MEI4: variants seen among roughly 807,000 people sequenced by gnomAD.
MEI4 encodes meiosis-specific protein MEI4.
A neutral mutation model predicts 31.4 loss-of-function variants in MEI4; 27 were observed. The ratio of observed to expected loss-of-function variants is 0.86; its 90% CI spans 0.63 to 1.19. MEI4 has a LOEUF of 1.19. MEI4 is among the 50% of genes most tolerant of loss of function. MEI4 has a pLI of 0.00. For missense variants in MEI4, 329 were observed against 398.9 expected (o/e 0.82, Z 1.49); for synonymous variants, 122 against 145.4 (o/e 0.84, Z 1.16).
intron 3 of MEI4, among the ~76,000 whole-genome samples, chr6:77,789,296 A>T (rs59381056): frequency 0.14 from 21,705 of 152,244 alleles, 1,657 homozygotes; most frequent in Middle Eastern, 0.21. Context: ...TAAAACCATA[A>T]AAACCCTAGA....
intron 2 of MEI4, among the ~76,000 whole-genome samples, chr6:77,756,002 A>G (rs148879303): frequency 3.9e-5 from 6 of 152,286 alleles, no homozygotes; most frequent in Non-Finnish European, 8.8e-5. Flanking sequence ...AAAAACAGGA[A>G]TTACAGAAAG....
At chr6:77,811,500 T>C (rs1179609468) in intron 3 of MEI4, among the ~76,000 whole-genome samples, 2 of 152,136 alleles carry the variant, frequency 1.3e-5, no homozygotes, top group African/African-American at 4.8e-5. Context: ...TAGAAGTAAA[T>C]CTTAATGTAT....
Position 77,659,677 on chromosome 6 carries a change from T to A in MEI4, c.-15+6585T>A, listed in dbSNP as rs561709234. On this transcript the variant is annotated intron_variant, in intron 1 of 4. Transcript: ENST00000684080. ...AGGATGGAGTGAAATAGAGGGCAAGTGTCTTCCTAAGCAATAATTACTGCT... is the reference window on the plus strand; with the variant it reads ...AGGATGGAGTGAAATAGAGGGCAAGAGTCTTCCTAAGCAATAATTACTGCT... Among the ~76,000 whole-genome samples the A allele has an allele frequency of 6.2e-4, 95 of 152,236 alleles. 1 individual carries two copies. Among genetic ancestry groups the A allele is most frequent in the African/African-American group, 2.2e-3 (90 of 41,552 alleles).
chr6:77,790,522 T>C lies in MEI4; in HGVS notation c.768+28857T>C, dbSNP rs114905465. Among the ~76,000 whole-genome samples the C allele has an allele frequency of 9.4e-3, 1,431 of 152,042 alleles. 19 individuals carry two copies. The highest frequency in any genetic ancestry group is 0.032 in the African/African-American group (1,328 of 41,464). On this transcript the variant is annotated intron_variant, in intron 3 of 4. Coordinates refer to ENST00000684080, the MANE Select transcript of MEI4 (RefSeq NM_001322247.2). ...ACTCCACCACTATGCAATATACTTA[T>C]GTAGCAAACCTGCACATGTACTTCC...
At chr6:77,791,354 A>G (rs1490360873) in intron 3 of MEI4, among the ~76,000 whole-genome samples, 1 of 151,902 alleles carries the variant, frequency 6.6e-6, no homozygotes, top group Non-Finnish European at 1.5e-5. Flanking sequence ...CGCAGCCATA[A>G]AAAATGATGA....
chr6:77,660,353 C>T (rs1395205675), intron 1 of MEI4, among the ~76,000 whole-genome samples: 2 of 152,022 alleles, frequency 1.3e-5, no homozygotes, highest in Non-Finnish European at 2.9e-5. Flanking sequence ...TGGAGGGTGC[C>T]TTGCTAGCAA....
At chr6:77,747,738 G>A (rs1767652898) in intron 2 of MEI4, among the ~76,000 whole-genome samples, 2 of 152,104 alleles carry the variant, frequency 1.3e-5, no homozygotes, top group South Asian at 4.1e-4. Flanking sequence ...CTTTGCAACA[G>A]TCCCCCAAAG....
rs147517099 is a variant in MEI4 at position 77,699,514 on chromosome 6, A to G, written c.232+8611A>G. On this transcript the variant is annotated intron_variant, in intron 2 of 4. Coordinates refer to ENST00000684080, the MANE Select transcript of MEI4 (RefSeq NM_001322247.2). ...GCCCAAAGTTTCTATCTTCTTTGCCATTGGTTTGAATTTCCTCCTCTAGCT... is the reference window on the plus strand; with the variant it reads ...GCCCAAAGTTTCTATCTTCTTTGCCGTTGGTTTGAATTTCCTCCTCTAGCT... Among the ~76,000 whole-genome samples, 516 of 152,112 alleles carry G rather than the reference A, an allele frequency of 3.4e-3. 2 individuals are homozygous for G. Among genetic ancestry groups the G allele is most frequent in the African/African-American group, 0.012 (502 of 41,498 alleles).
At chr6:77,736,927 T>G (rs938388440) in intron 2 of MEI4, among the ~76,000 whole-genome samples, 1 of 152,152 alleles carries the variant, frequency 6.6e-6, no homozygotes, top group Non-Finnish European at 1.5e-5. Flanking sequence ...CTATGGGTAC[T>G]AGGCTATTTC....
At chr6:77,756,283 C>T (rs1484186315) in intron 2 of MEI4, among the ~76,000 whole-genome samples, 1 of 151,988 alleles carries the variant, frequency 6.6e-6, no homozygotes, top group Non-Finnish European at 1.5e-5. Context: ...AATATTTAAT[C>T]TTTTCTAAGA....
intron 3 of MEI4, among the ~76,000 whole-genome samples, chr6:77,788,281 C>T (rs1200793752): frequency 6.6e-6 from 1 of 152,150 alleles, no homozygotes; most frequent in Non-Finnish European, 1.5e-5. Context: ...CTATGAGAAG[C>T]CCACAGCCAA....
intron 1 of MEI4, among the ~76,000 whole-genome samples, chr6:77,687,060 G>A (rs1032989938): frequency 6.6e-6 from 1 of 151,894 alleles, no homozygotes; most frequent in African/African-American, 2.4e-5. Flanking sequence ...ATAATGTGTG[G>A]AGTAGCTGTT....
intron 3 of MEI4, among the ~76,000 whole-genome samples, chr6:77,792,495 C>T (rs980891124): frequency 6.6e-6 from 1 of 152,070 alleles, no homozygotes; most frequent in Non-Finnish European, 1.5e-5. Context: ...TGATGGTAAT[C>T]ATTCTAAAAG....
At chr6:77,807,262 G>A (rs1769463987) in intron 3 of MEI4, among the ~76,000 whole-genome samples, 1 of 151,930 alleles carries the variant, frequency 6.6e-6, no homozygotes, top group Admixed American at 6.6e-5. Context: ...TCTAATAAAG[G>A]CCTGAAATAG....
intron 4 of MEI4, among the ~76,000 whole-genome samples, chr6:77,849,803 T>C (rs1248232879): frequency 6.6e-6 from 1 of 152,204 alleles, no homozygotes; most frequent in African/African-American, 2.4e-5. Flanking sequence ...ATTTAGTTAG[T>C]TGATGTCAAT....
chr6:77,887,417 C>T (rs1169267567), intron 4 of MEI4, among the ~76,000 whole-genome samples: 1 of 152,028 alleles, frequency 6.6e-6, no homozygotes, highest in African/African-American at 2.4e-5. Flanking sequence ...CTGCCTTAGC[C>T]TCCTGAGTAG....
intron 2 of MEI4, among the ~76,000 whole-genome samples, chr6:77,696,508 A>G (rs1766049307): frequency 6.6e-6 from 1 of 151,956 alleles, no homozygotes; most frequent in African/African-American, 2.4e-5. Context: ...TCTTTTCTGC[A>G]TCTATTGAGA....
At chr6:77,910,925 G>GTTTTT (rs58959367) in intron 4 of MEI4, among the ~76,000 whole-genome samples, 14 of 120,580 alleles carry the variant, frequency 1.2e-4, no homozygotes, top group Non-Finnish European at 1.4e-4. Context: ...CCAGCTTCTG[G>GTTTTT]TTTTTTTTTT....
At chr6:77,698,869 A>G (rs1005218608) in intron 2 of MEI4, among the ~76,000 whole-genome samples, 1 of 152,154 alleles carries the variant, frequency 6.6e-6, no homozygotes, top group East Asian at 1.9e-4. Context: ...GTGTTTTCCA[A>G]CTTGGTTCCA....
Sources: gnomAD v4.1 joint callset for allele counts (sites outside exome capture counted in the v4.1 genomes callset) on GRCh38, gnomAD v4.1.1 for gene constraint, MANE v1.5 for transcripts, NCBI Gene and HGNC (gene_info 2026-07-23, HGNC 2026-07-21) for gene names.